BICD1: variants seen among roughly 807,000 people sequenced by gnomAD.
BICD1 encodes the protein protein bicaudal D homolog 1.
In BICD1, 35 loss-of-function variants were observed where a neutral mutation model predicts 92.5. The ratio of observed to expected loss-of-function variants is 0.38; its 90% CI spans 0.29 to 0.50. BICD1 has a LOEUF of 0.50. BICD1 is among the 20% of genes least tolerant of loss of function. BICD1 has a pLI of 0.93. For synonymous variants in BICD1, 429 were observed against 465.1 expected, an observed-to-expected ratio of 0.92 and a Z score of 1.00; for missense variants, 950 against 1,189.8, an observed-to-expected ratio of 0.80 and a Z score of 2.97.
chr12:32,319,301 A>C (rs1189629443), intron 4 of BICD1, among the ~76,000 whole-genome samples: 1 of 152,152 alleles, frequency 6.6e-6, no homozygotes, highest in Admixed American at 6.5e-5. Flanking sequence ...ATTATCACAA[A>C]TGGATATTAA....
At chr12:32,316,715 A>G (rs1408473233) in intron 4 of BICD1, among the ~76,000 whole-genome samples, 1 of 150,726 alleles carries the variant, frequency 6.6e-6, no homozygotes, top group South Asian at 2.1e-4. Context: ...TTAAAATTTT[A>G]TTATTATACT....
At chr12:32,290,532 T>C (rs1032750176) in intron 2 of BICD1, among the ~76,000 whole-genome samples, 3 of 152,196 alleles carry the variant, frequency 2.0e-5, no homozygotes, top group Non-Finnish European at 4.4e-5. Context: ...TCTGCTAATG[T>C]CTCTTTTGGA....
intron 1 of BICD1, among the ~76,000 whole-genome samples, chr12:32,199,871 G>C (rs549474672): frequency 2.6e-5 from 4 of 151,998 alleles, no homozygotes; most frequent in Admixed American, 1.3e-4. Flanking sequence ...ATCCTAAATG[G>C]GTCCTGTTAA....
At chr12:32,156,478 A>G (rs1045272146) in intron 1 of BICD1, among the ~76,000 whole-genome samples, 29 of 152,146 alleles carry the variant, frequency 1.9e-4, no homozygotes, top group Non-Finnish European at 4.1e-4. Context: ...CTGAAATCTC[A>G]GGATATGCTT....
intron 2 of BICD1, among the ~76,000 whole-genome samples, chr12:32,277,141 C>A (rs1947297307): frequency 6.6e-6 from 1 of 152,178 alleles, no homozygotes; most frequent in African/African-American, 2.4e-5. Flanking sequence ...CTCCTGTAAT[C>A]CCAGCACTTT....
intron 1 of BICD1, among the ~76,000 whole-genome samples, chr12:32,182,743 T>G (rs189158654): frequency 6.6e-6 from 1 of 151,838 alleles, no homozygotes; most frequent in African/African-American, 2.4e-5. Flanking sequence ...GTATGAGAAA[T>G]TGCTTTGAGA....
At chr12:32,324,259 G>A (rs1948720723) in intron 4 of BICD1, among the ~76,000 whole-genome samples, 1 of 151,368 alleles carries the variant, frequency 6.6e-6, no homozygotes, top group African/African-American at 2.4e-5. Flanking sequence ...GGAGGCTGAG[G>A]CAGAAGAATC....
intron 1 of BICD1, among the ~76,000 whole-genome samples, chr12:32,173,892 T>C (rs1144722): frequency 1 from 151,957 of 152,360 alleles, 75,781 homozygotes; most frequent in Middle Eastern, 1. Context: ...CACAAATGAT[T>C]TCTTACCAAG....
At chr12:32,200,640 T>C (rs1944879120) in intron 1 of BICD1, among the ~76,000 whole-genome samples, 1 of 152,196 alleles carries the variant, frequency 6.6e-6, no homozygotes, top group African/African-American at 2.4e-5. Flanking sequence ...TAGGGAATAG[T>C]GTTGTTACTA....
chr12:32,165,640 C>A (rs1943737790), intron 1 of BICD1, among the ~76,000 whole-genome samples: 2 of 149,072 alleles, frequency 1.3e-5, no homozygotes, highest in Admixed American at 1.3e-4. Flanking sequence ...AGCTGAGATG[C>A]GCCACTGTAC....
chr12:32,231,454 C>A (rs1165825775), intron 2 of BICD1, among the ~76,000 whole-genome samples: 2 of 151,926 alleles, frequency 1.3e-5, no homozygotes, highest in Non-Finnish European at 2.9e-5. Context: ...CTGCCCCCTA[C>A]CCCCTCCTCC....
chr12:32,241,612 C>T (rs1946237379), intron 2 of BICD1, among the ~76,000 whole-genome samples: 1 of 152,188 alleles, frequency 6.6e-6, no homozygotes, highest in African/African-American at 2.4e-5. Flanking sequence ...ATCTGTTCTC[C>T]ATTAGCAATC....
At chr12:32,247,115 G>A (rs143736462) in intron 2 of BICD1, among the ~76,000 whole-genome samples, 21 of 151,382 alleles carry the variant, frequency 1.4e-4, no homozygotes, top group African/African-American at 3.2e-4. Context: ...AAATTAGCCC[G>A]GTATGGTGGT....
rs11272207 is a variant in BICD1 at position 32,348,723 on chromosome 12, AATATATATATATATATATATATATATAT to A, written c.2764+9773_2764+9800del. Among the ~76,000 whole-genome samples the A allele has an allele frequency of 7.6e-4, 90 of 118,010 alleles. 3 individuals carry two copies. The highest frequency in any genetic ancestry group is 2.5e-3 in the South Asian group (8 of 3,250). The allele number at this position is 118,010 out of a possible 152,430, so 77.4% of individuals were successfully genotyped here. ...AATGATGCTTTCTAGCTCACACAAAAATATATATATATATATATATATATATATATATATATATATATATATATATATA... is the reference window on the plus strand; with the variant it reads ...AATGATGCTTTCTAGCTCACACAAAAATATATATATATATATATATATATA... On this transcript the variant is annotated intron_variant, in intron 8 of 9. Coordinates refer to ENST00000652176, the MANE Select transcript of BICD1 (RefSeq NM_001714.4).
intron 8 of BICD1, among the ~76,000 whole-genome samples, chr12:32,349,394 A>G (rs1412619174): frequency 6.6e-6 from 1 of 152,178 alleles, no homozygotes; most frequent in Non-Finnish European, 1.5e-5. Flanking sequence ...AGAAAGTCAC[A>G]ATAGGTACCC....
intron 1 of BICD1, among the ~76,000 whole-genome samples, chr12:32,116,510 C>CTCTCTCTATA (rs1233964108): frequency 1.6e-4 from 17 of 104,392 alleles, no homozygotes; most frequent in East Asian, 3.3e-4. Context: ...CTCTCTCTCT[C>CTCTCTCTATA]TATATATATA....
At chr12:32,143,451 T>G (rs1344853611) in intron 1 of BICD1, among the ~76,000 whole-genome samples, 1 of 152,206 alleles carries the variant, frequency 6.6e-6, no homozygotes. Flanking sequence ...TTCTTTCATT[T>G]AACATTTTTT....
At chr12:32,257,732 G>A (rs1046114815) in intron 2 of BICD1, among the ~76,000 whole-genome samples, 3 of 152,004 alleles carry the variant, frequency 2.0e-5, no homozygotes, top group Admixed American at 1.3e-4. Flanking sequence ...TAAAAACAAC[G>A]GAAATTACTA....
At chr12:32,323,050 T>C (rs1177000607) in intron 4 of BICD1, among the ~76,000 whole-genome samples, 1 of 152,246 alleles carries the variant, frequency 6.6e-6, no homozygotes, top group Admixed American at 6.5e-5. Flanking sequence ...TTGTATAGAA[T>C]AGAGATTTTC....
Sources: gnomAD v4.1 joint callset for allele counts (sites outside exome capture counted in the v4.1 genomes callset) on GRCh38, gnomAD v4.1.1 for gene constraint, MANE v1.5 for transcripts, NCBI Gene and HGNC (gene_info 2026-07-23, HGNC 2026-07-21) for gene names.